The following SORCS2 variants were observed in gnomAD, a reference collection of about 807,000 sequenced individuals.
The protein encoded by SORCS2 is sortilin related VPS10 domain containing receptor 2.
In SORCS2, 100 loss-of-function variants were observed where a neutral mutation model predicts 141.6. The ratio of observed to expected loss-of-function variants is 0.71; its 90% CI spans 0.60 to 0.83. SORCS2 has a LOEUF of 0.83. Ranked by LOEUF, SORCS2 falls within the 40% of genes least tolerant of loss-of-function variation. The pLI is 0.00. For synonymous variants in SORCS2, 789 were observed against 676.9 expected, an observed-to-expected ratio of 1.17 and a Z score of -2.57; for missense variants, 1,646 against 1,560.2, an observed-to-expected ratio of 1.05 and a Z score of -0.93.
At chr4:7,639,361 A>C (rs1720483218) in intron 4 of SORCS2, among the ~76,000 whole-genome samples, 1 of 152,042 alleles carries the variant, frequency 6.6e-6, no homozygotes. Flanking sequence ...ACATCTCTGC[A>C]CCTTCAGGCT....
At position 7,664,404 on chromosome 4, in the gene SORCS2, C is replaced by CAGCCCCATTCGCA; in HGVS notation, c.1005_1017dup (p.Gly340SerfsTer8). The CAGCCCCATTCGCA allele has an allele frequency of 6.2e-7, 1 of 1,613,944 alleles. No homozygotes were observed. Among genetic ancestry groups the CAGCCCCATTCGCA allele is most frequent in the Non-Finnish European group, 8.5e-7 (1 of 1,179,866 alleles). ...CACAATTGCTCCGAGAAGATGCTGACAGCCCCATTCGCAGGCCCCATTGAC... is the reference window on the plus strand; with the variant it reads ...CACAATTGCTCCGAGAAGATGCTGACAGCCCCATTCGCAAGCCCCATTCGCAGGCCCCATTGAC... On this transcript the variant is annotated frameshift_variant, in exon 7 of 27. Transcript: ENST00000507866. LOFTEE classifies it high-confidence loss of function. The surrounding 1 kb of genome is among the most constrained non-coding windows in gnomAD (Gnocchi z 4.7).
intron 2 of SORCS2, among the ~76,000 whole-genome samples, chr4:7,473,436 G>C (rs76278520): frequency 0.026 from 3,886 of 152,288 alleles, 63 homozygotes; most frequent in African/African-American, 0.049. Flanking sequence ...GGCTCCAGAA[G>C]AGGGGCTTCA....
intron 1 of SORCS2, among the ~76,000 whole-genome samples, chr4:7,301,778 C>G (rs1280588213): frequency 2.0e-5 from 3 of 152,230 alleles, no homozygotes; most frequent in Non-Finnish European, 4.4e-5. Context: ...CGCTGGCCTC[C>G]CAAATGATGT....
intron 5 of SORCS2, among the ~76,000 whole-genome samples, chr4:7,658,773 C>T (rs181817077): frequency 7.6e-4 from 116 of 152,278 alleles, no homozygotes; most frequent in African/African-American, 2.7e-3. Context: ...AATGGGGATC[C>T]TGGTGCCAGG....
At position 7,697,183 on chromosome 4, in the gene SORCS2, T is replaced by C. The variant is rs768291352; in HGVS notation, c.1592-15T>C. On this transcript the variant is annotated splice_polypyrimidine_tract_variant and intron_variant, in intron 11 of 26. Transcript: ENST00000507866. ...CGATCCTAAGGGTAGTACTGCCCCT[T>C]TTCTTTTGGACCAGGTAACCTGGGC... 1.9e-6 allele frequency: 3 copies of C among 1,568,500 alleles called. No individual in the cohort carries two copies. In the South Asian group the frequency reaches 3.5e-5, roughly 18 times the overall value.
At chr4:7,415,704 A>T (rs1024500404) in intron 2 of SORCS2, among the ~76,000 whole-genome samples, 6 of 152,260 alleles carry the variant, frequency 3.9e-5, no homozygotes, top group Admixed American at 1.3e-4. Context: ...AGAAGTTATC[A>T]GTTGAAGGCC....
intron 2 of SORCS2, among the ~76,000 whole-genome samples, chr4:7,521,466 C>G (rs1733323948): frequency 1.3e-5 from 2 of 152,272 alleles, no homozygotes; most frequent in Admixed American, 1.3e-4. Context: ...CTTCACTGTC[C>G]CACAATTGCC....
At chr4:7,254,433 T>G (rs1171259414) in intron 1 of SORCS2, among the ~76,000 whole-genome samples, 1 of 152,204 alleles carries the variant, frequency 6.6e-6, no homozygotes, top group Admixed American at 6.5e-5. Flanking sequence ...GAGTCAGATA[T>G]AGCATGATCT....
chr4:7,549,118 G>A (rs1406857427), intron 3 of SORCS2, among the ~76,000 whole-genome samples: 2 of 152,158 alleles, frequency 1.3e-5, no homozygotes, highest in Admixed American at 1.3e-4. Context: ...GGGCAGGTTG[G>A]GGAATGAGAG....
intron 2 of SORCS2, among the ~76,000 whole-genome samples, chr4:7,512,352 GGGAGGGAGGGAT>G (rs1279115861): frequency 1.2e-4 from 15 of 130,072 alleles, no homozygotes; most frequent in Admixed American, 7.8e-4. Context: ...AATGGAAGGA[GGGAGGGAGGGAT>G]GGAGGGAGGG....
chr4:7,322,962 G>A (rs13122852), intron 1 of SORCS2, among the ~76,000 whole-genome samples: 40,703 of 122,868 alleles, frequency 0.33, 5,623 homozygotes, highest in East Asian at 0.46. Flanking sequence ...CCTTGAGGAC[G>A]GCCCTGCCCG....
intron 3 of SORCS2, among the ~76,000 whole-genome samples, chr4:7,613,833 A>C (rs1449486109): frequency 6.6e-6 from 1 of 151,748 alleles, no homozygotes; most frequent in Non-Finnish European, 1.5e-5. Flanking sequence ...CCATCCACCT[A>C]TCCATTCACT....
At chr4:7,339,310 T>TCCAA (rs1720224583) in intron 1 of SORCS2, among the ~76,000 whole-genome samples, 1 of 152,226 alleles carries the variant, frequency 6.6e-6, no homozygotes, top group Non-Finnish European at 1.5e-5. Flanking sequence ...TCCAAGGATG[T>TCCAA]GCACAGGAAG....
intron 5 of SORCS2, among the ~76,000 whole-genome samples, chr4:7,656,594 C>A (rs1019363747): frequency 6.6e-6 from 1 of 152,230 alleles, no homozygotes; most frequent in African/African-American, 2.4e-5. Flanking sequence ...CCCTGAGACT[C>A]GGTCCACCTC....
chr4:7,639,953 G>T (rs1405848036), intron 4 of SORCS2, among the ~76,000 whole-genome samples: 1 of 151,740 alleles, frequency 6.6e-6, no homozygotes. Flanking sequence ...TTGTGAGAAT[G>T]AGTGTGGGTG....
At chr4:7,204,469 C>T (rs116203130) in intron 1 of SORCS2, among the ~76,000 whole-genome samples, 472 of 152,308 alleles carry the variant, frequency 3.1e-3, no homozygotes, top group African/African-American at 0.011. Flanking sequence ...CCACCCGCCT[C>T]AGCCTCCAAA....
intron 3 of SORCS2, among the ~76,000 whole-genome samples, chr4:7,598,573 C>T (rs1717439056): frequency 6.6e-6 from 1 of 152,188 alleles, no homozygotes; most frequent in South Asian, 2.1e-4. Flanking sequence ...TTGGGCAAGG[C>T]ATGGCGGCTG....
At chr4:7,343,152 C>A (rs1358544018) in intron 1 of SORCS2, among the ~76,000 whole-genome samples, 1 of 152,240 alleles carries the variant, frequency 6.6e-6, no homozygotes, top group Non-Finnish European at 1.5e-5. Flanking sequence ...TCCTGGTCCT[C>A]CTGTCTGCAA....
chr4:7,365,365 G>A (rs904108274), intron 1 of SORCS2, among the ~76,000 whole-genome samples: 3 of 152,112 alleles, frequency 2.0e-5, no homozygotes, highest in African/African-American at 4.8e-5. Flanking sequence ...GTGGGGAAGG[G>A]GTGTGTGGCG....
Sources: allele counts gnomAD v4.1 joint callset (sites outside exome capture counted in the v4.1 genomes callset), GRCh38; gene constraint gnomAD v4.1.1; non-coding constraint Gnocchi (gnomAD v3.1); transcripts MANE v1.5; gene names NCBI Gene and HGNC (gene_info 2026-07-23, HGNC 2026-07-21).